The following LRIG1 variants were observed in gnomAD, a reference collection of about 807,000 sequenced individuals.
LRIG1 encodes the protein leucine-rich repeats and immunoglobulin-like domains protein 1.
LRIG1 carries 48 observed loss-of-function variants against 99.2 expected under a neutral mutation model. That is an observed-to-expected ratio of 0.48 (90% CI 0.38 to 0.62). The LOEUF is 0.62. LRIG1 is among the 20% of genes least tolerant of loss of function. The pLI is 0.00. For synonymous variants in LRIG1, 772 were observed against 596.1 expected, an observed-to-expected ratio of 1.29 and a Z score of -4.30; for missense variants, 1,646 against 1,434.4, an observed-to-expected ratio of 1.15 and a Z score of -2.38.
intron 12 of LRIG1, among the ~76,000 whole-genome samples, chr3:66,389,943 T>C (rs1156291978): frequency 6.6e-6 from 1 of 152,222 alleles, no homozygotes; most frequent in African/African-American, 2.4e-5. Context: ...GACATATCAA[T>C]GCAGTCTTTT....
chr3:66,404,481 C>T (rs1702190050), intron 9 of LRIG1: 3 of 1,078,018 alleles, frequency 2.8e-6, no homozygotes, highest in Non-Finnish European at 2.3e-6. Flanking sequence ...GCAGAGAAAA[C>T]AGGGCGGGCC....
chr3:66,393,263 G>T (rs762881968), intron 12 of LRIG1, among the ~76,000 whole-genome samples: 1 of 152,224 alleles, frequency 6.6e-6, no homozygotes, highest in Non-Finnish European at 1.5e-5. Flanking sequence ...CAAAAGGCAG[G>T]AGGGACTTAA....
chr3:66,413,065 C>T, intron 5 of LRIG1, 51 bp from the exon 6 acceptor site: 2 of 1,602,660 alleles, frequency 1.2e-6, no homozygotes, highest in Non-Finnish European at 1.7e-6. Context: ...CATATCCCAC[C>T]CACAACCATT....
At chr3:66,441,035 G>A (rs368520743) in intron 3 of LRIG1, among the ~76,000 whole-genome samples, 11 of 152,148 alleles carry the variant, frequency 7.2e-5, no homozygotes, top group African/African-American at 2.4e-4. Context: ...AAGGAGCCCT[G>A]CTATTTACAA....
intron 3 of LRIG1, among the ~76,000 whole-genome samples, chr3:66,440,607 G>C (rs1296427000): frequency 6.6e-6 from 1 of 152,178 alleles, no homozygotes; most frequent in East Asian, 1.9e-4. Flanking sequence ...CCAGGGTTCA[G>C]TGTAGACAGC....
At chr3:66,408,971 AG>A (rs1246604196) in intron 7 of LRIG1, among the ~76,000 whole-genome samples, 7 of 25,822 alleles carry the variant, frequency 2.7e-4, no homozygotes, top group African/African-American at 1.0e-3. Context: ...TGGTGGGGGG[AG>A]GGGGGGAGGA....
intron 1 of LRIG1, among the ~76,000 whole-genome samples, chr3:66,479,213 C>T (rs139387598): frequency 4.6e-5 from 7 of 152,346 alleles, no homozygotes; most frequent in African/African-American, 7.2e-5. Context: ...AGACCTGCCT[C>T]GGAACAGAGG....
intron 3 of LRIG1, among the ~76,000 whole-genome samples, chr3:66,436,725 A>G (rs138147828): frequency 2.6e-5 from 4 of 152,194 alleles, no homozygotes; most frequent in African/African-American, 7.2e-5. Flanking sequence ...ATGGATGTGC[A>G]TTTAGAGACA....
Position 66,490,314 on chromosome 3 carries a change from C to T in LRIG1, c.218+9876G>A, listed in dbSNP as rs538239707. ...AGATGGAAGGAAACCCTGCTCCCTTCGAGCTGCAGCCTCTGCATCCATCAC... is the reference window on the plus strand; with the variant it reads ...AGATGGAAGGAAACCCTGCTCCCTTTGAGCTGCAGCCTCTGCATCCATCAC... On this transcript the variant is annotated intron_variant, in intron 1 of 18. Transcript: ENST00000273261. Among the ~76,000 whole-genome samples, 10 of 152,294 alleles carry T rather than the reference C, an allele frequency of 6.6e-5. No homozygotes were observed. The South Asian group carries it at 2.1e-3, about 32-fold the overall frequency.
At chr3:66,385,655 G>T (rs976405123) in intron 13 of LRIG1, among the ~76,000 whole-genome samples, 1 of 152,100 alleles carries the variant, frequency 6.6e-6, no homozygotes, top group East Asian at 1.9e-4. Flanking sequence ...GTTTCACTAT[G>T]TTGGCCACAC....
intron 3 of LRIG1, among the ~76,000 whole-genome samples, chr3:66,426,868 A>T (rs1703000053): frequency 6.6e-6 from 1 of 152,212 alleles, no homozygotes; most frequent in Admixed American, 6.5e-5. Flanking sequence ...GCCCTTCCAG[A>T]CAATTACAGT....
chr3:66,441,368 C>T (rs534736005), intron 3 of LRIG1, among the ~76,000 whole-genome samples: 192 of 152,296 alleles, frequency 1.3e-3, no homozygotes, highest in Non-Finnish European at 2.2e-3. Context: ...CTGGCACAAT[C>T]GAACACGTTT....
intron 3 of LRIG1, among the ~76,000 whole-genome samples, chr3:66,445,422 T>A (rs1228067038): frequency 6.6e-6 from 1 of 152,060 alleles, no homozygotes; most frequent in Non-Finnish European, 1.5e-5. Flanking sequence ...CTAACACCCT[T>A]GATTAGGTCC....
At chr3:66,395,920 A>G (rs1399590858) in intron 11 of LRIG1, among the ~76,000 whole-genome samples, 3 of 152,272 alleles carry the variant, frequency 2.0e-5, no homozygotes, top group South Asian at 4.1e-4. Flanking sequence ...ACTGTTCACG[A>G]AAGCCTAGGA....
At chr3:66,494,232 C>A (rs1559828112) in intron 1 of LRIG1, among the ~76,000 whole-genome samples, 1 of 152,200 alleles carries the variant, frequency 6.6e-6, no homozygotes, top group Non-Finnish European at 1.5e-5. Flanking sequence ...TCTTTTTAGA[C>A]ATGAAGAGGT....
In LRIG1 at chr3:66,500,610, G is replaced by A; in HGVS notation, c.-203C>T. On this transcript the variant is annotated 5_prime_UTR_variant, in exon 1 of 19. Coordinates refer to ENST00000273261, the MANE Select transcript of LRIG1 (RefSeq NM_015541.3). ...CGGGCCGCTCCGGAGCACCCGGCGG[G>A]GGCCGCAAACCCCGCGCCCATCCGG... 1 of 340,964 alleles carries A rather than the reference G, an allele frequency of 2.9e-6. No homozygotes were observed. Among genetic ancestry groups the A allele is most frequent in the Admixed American group, 4.8e-5 (1 of 20,660 alleles). The allele number at this position is 340,964 out of a possible 1,614,324, so 21.1% of individuals were successfully genotyped here. A position where few individuals can be genotyped will look rare whatever the true frequency, so the allele number is the denominator to read the frequency against.
intron 1 of LRIG1, among the ~76,000 whole-genome samples, chr3:66,487,459 T>C (rs1219898784): frequency 6.6e-6 from 1 of 152,170 alleles, no homozygotes; most frequent in Non-Finnish European, 1.5e-5. Context: ...GGGGATCCGT[T>C]CTGCCCTGAA....
Position 66,422,466 on chromosome 3 carries a change from C to T in LRIG1, c.366-5200G>A, listed in dbSNP as rs1053725377. Among the ~76,000 whole-genome samples the T allele has an allele frequency of 3.3e-5, 5 of 152,216 alleles. No homozygotes were observed. The East Asian group carries it at 7.7e-4, about 23-fold the overall frequency. ...AAATCTCTAGGGCAGGGGCAAAATG[C>T]TGCCAGTCTCTTTGCTAAAGCATAA... On this transcript the variant is annotated intron_variant, in intron 3 of 18. Transcript: ENST00000273261.
In LRIG1 at chr3:66,421,183, C is replaced by G. The variant is rs1702797374; in HGVS notation, c.366-3917G>C. Among the ~76,000 whole-genome samples the G allele has an allele frequency of 2.0e-5, 3 of 152,160 alleles. No individual in the cohort carries two copies. The South Asian group carries it at 6.2e-4, about 31-fold the overall frequency. Reference sequence around the variant, plus strand: ...GGGTGGGGACACAGCCAAACCATATCATTCTGCCCCTGGCCCCTCCCAAAT... The same window carrying G: ...GGGTGGGGACACAGCCAAACCATATGATTCTGCCCCTGGCCCCTCCCAAAT... On this transcript the variant is annotated intron_variant, in intron 3 of 18. Coordinates refer to ENST00000273261, the MANE Select transcript of LRIG1 (RefSeq NM_015541.3).
Sources: allele counts gnomAD v4.1 joint callset (sites outside exome capture counted in the v4.1 genomes callset), GRCh38; gene constraint gnomAD v4.1.1; transcripts MANE v1.5; gene names NCBI Gene and HGNC (gene_info 2026-07-23, HGNC 2026-07-21).